The following AUTS2 variants were observed in gnomAD, a reference collection of about 807,000 sequenced individuals.
AUTS2 encodes activator of transcription and developmental regulator AUTS2.
Under a neutral mutation model 112.4 loss-of-function variants are expected in AUTS2, and 17 were observed. The observed-to-expected ratio is 0.15, with a 90% CI of 0.10 to 0.23. The LOEUF (loss-of-function observed/expected upper bound fraction) is 0.23, where lower values mean the gene tolerates loss of function less well. Among genes scored for constraint, AUTS2 ranks in the 10% least tolerant of loss-of-function variants. The pLI, the probability that AUTS2 is intolerant of heterozygous loss-of-function variation, is 1.00. For synonymous variants in AUTS2, 751 were observed against 702.7 expected, an observed-to-expected ratio of 1.07 and a Z score of -1.09; for missense variants, 1,510 against 1,701.6, an observed-to-expected ratio of 0.89 and a Z score of 1.98.
chr7:70,662,046 G>T (rs554436028), intron 5 of AUTS2, among the ~76,000 whole-genome samples: 11 of 152,206 alleles, frequency 7.2e-5, no homozygotes, highest in East Asian at 1.9e-4. Flanking sequence ...CAGACAATGG[G>T]GGGGCAGACA....
At chr7:70,574,627 T>C (rs2129526241) in intron 5 of AUTS2, among the ~76,000 whole-genome samples, 1 of 152,272 alleles carries the variant, frequency 6.6e-6, no homozygotes, top group Middle Eastern at 3.4e-3. Flanking sequence ...GTTTTAACTT[T>C]AACACAGGCT....
chr7:70,086,730 T>C (rs1475226937), intron 2 of AUTS2, among the ~76,000 whole-genome samples: 1 of 152,042 alleles, frequency 6.6e-6, no homozygotes, highest in Non-Finnish European at 1.5e-5. Flanking sequence ...TTTTTGAAGC[T>C]GTTGTAAATG....
intron 1 of AUTS2, among the ~76,000 whole-genome samples, chr7:69,718,563 C>T (rs183940041): frequency 6.6e-6 from 1 of 152,186 alleles, no homozygotes; most frequent in Admixed American, 6.5e-5. Context: ...ACATCTTCCT[C>T]TTCCACTTTT....
intron 6 of AUTS2, among the ~76,000 whole-genome samples, chr7:70,723,801 T>C (rs1786843566): frequency 6.6e-6 from 1 of 151,792 alleles, no homozygotes; most frequent in Non-Finnish European, 1.5e-5. Context: ...AGTCATTACC[T>C]AGAAAATAAA....
chr7:70,306,564 TA>T (rs1485468239), intron 4 of AUTS2, among the ~76,000 whole-genome samples: 1 of 152,202 alleles, frequency 6.6e-6, no homozygotes, highest in African/African-American at 2.4e-5. Flanking sequence ...AGTGAAACAT[TA>T]AAGTTATCAG....
At chr7:70,620,335 A>G (rs1159775540) in intron 5 of AUTS2, among the ~76,000 whole-genome samples, 1 of 152,198 alleles carries the variant, frequency 6.6e-6, no homozygotes, top group Non-Finnish European at 1.5e-5. Context: ...ACCTGAGCAC[A>G]CAGCTCCTTT....
intron 1 of AUTS2, among the ~76,000 whole-genome samples, chr7:69,817,539 G>GT (rs1310628000): frequency 1.3e-5 from 2 of 150,166 alleles, no homozygotes; most frequent in African/African-American, 4.8e-5. Context: ...CAAGGTTCTG[G>GT]TGTGCAGTGT....
At chr7:70,593,515 C>A (rs975448902) in intron 5 of AUTS2, among the ~76,000 whole-genome samples, 4 of 152,110 alleles carry the variant, frequency 2.6e-5, no homozygotes, top group African/African-American at 9.7e-5. Context: ...ACCGAGAGGA[C>A]CTGCATTTCA....
chr7:70,611,461 T>C (rs1804088813), intron 5 of AUTS2, among the ~76,000 whole-genome samples: 1 of 152,160 alleles, frequency 6.6e-6, no homozygotes, highest in Non-Finnish European at 1.5e-5. Flanking sequence ...TCCCTGACAT[T>C]ATAGAGTGCC....
intron 5 of AUTS2, among the ~76,000 whole-genome samples, chr7:70,642,892 A>G (rs1352038984): frequency 6.6e-6 from 1 of 152,176 alleles, no homozygotes; most frequent in Admixed American, 6.5e-5. Context: ...CTGCCCGTTG[A>G]TGGCACTGAC....
intron 5 of AUTS2, among the ~76,000 whole-genome samples, chr7:70,588,581 T>C (rs1247544156): frequency 6.6e-6 from 1 of 152,126 alleles, no homozygotes; most frequent in Admixed American, 6.5e-5. Flanking sequence ...TGGAAGGTAT[T>C]AGAACAATGG....
intron 2 of AUTS2, among the ~76,000 whole-genome samples, chr7:70,092,527 G>A (rs545091967): frequency 3.3e-5 from 5 of 152,314 alleles, no homozygotes; most frequent in Admixed American, 6.5e-5. Flanking sequence ...GCCTGTGTGA[G>A]TGGTGAGGAG....
chr7:70,373,006 TC>T (rs1483487016), intron 4 of AUTS2, among the ~76,000 whole-genome samples: 2 of 152,178 alleles, frequency 1.3e-5, no homozygotes, highest in Non-Finnish European at 1.5e-5. Flanking sequence ...ACCAGCTCCA[TC>T]CATCTTTCTC....
intron 4 of AUTS2, among the ~76,000 whole-genome samples, chr7:70,307,986 C>T (rs1465670115): frequency 6.6e-6 from 1 of 152,210 alleles, no homozygotes; most frequent in East Asian, 1.9e-4. Context: ...GTTTAGTCTT[C>T]TCTGCCTGCA....
chr7:70,457,329 A>G (rs757326262), intron 5 of AUTS2, among the ~76,000 whole-genome samples: 2 of 152,192 alleles, frequency 1.3e-5, no homozygotes, highest in African/African-American at 2.4e-5. Context: ...GGTGGTGCTT[A>G]GTAGCCATCG....
chr7:70,636,510 A>G (rs945704398), intron 5 of AUTS2, among the ~76,000 whole-genome samples: 3 of 152,194 alleles, frequency 2.0e-5, no homozygotes, highest in African/African-American at 7.2e-5. Context: ...TCCCCCTCTT[A>G]TGGATACATT....
At chr7:70,560,010 G>A (rs932645931) in intron 5 of AUTS2, among the ~76,000 whole-genome samples, 1 of 152,136 alleles carries the variant, frequency 6.6e-6, no homozygotes, top group Non-Finnish European at 1.5e-5. Context: ...CTCTGACTTC[G>A]TCTCCCACTA....
intron 1 of AUTS2, among the ~76,000 whole-genome samples, chr7:69,636,110 A>G (rs1363625341): frequency 1.3e-5 from 2 of 152,230 alleles, no homozygotes; most frequent in Admixed American, 6.5e-5. Context: ...CTGGCACTAA[A>G]GTGATGTGTG....
rs192082112 is a variant in AUTS2, at chr7:69,972,192, G to A, written c.522+72694G>A. 2.1e-4 allele frequency among the ~76,000 whole-genome samples: 32 copies of A among 152,222 alleles called. No homozygotes were observed. In the East Asian group the frequency reaches 5.6e-3, roughly 27 times the overall value. On this transcript the variant is annotated intron_variant, in intron 2 of 18. Transcript: ENST00000342771. ...GGTTTTAATTTGCGTTTCCCTAATGGCTAATAATGTTGAACATCTTTTCAT... is the reference window on the plus strand; with the variant it reads ...GGTTTTAATTTGCGTTTCCCTAATGACTAATAATGTTGAACATCTTTTCAT...
Sources: gnomAD v4.1 joint callset for allele counts (sites outside exome capture counted in the v4.1 genomes callset) on GRCh38, gnomAD v4.1.1 for gene constraint, MANE v1.5 for transcripts, NCBI Gene and HGNC (gene_info 2026-07-23, HGNC 2026-07-21) for gene names.